SLC35F3: variants seen among roughly 807,000 people sequenced by gnomAD.
SLC35F3 encodes the protein solute carrier family 35 member F3.
A neutral mutation model predicts 49.9 loss-of-function variants in SLC35F3; 25 were observed. The ratio of observed to expected loss-of-function variants is 0.50; its 90% confidence interval spans 0.37 to 0.70. The LOEUF (loss-of-function observed/expected upper bound fraction) is 0.70. Ranked by LOEUF, SLC35F3 falls within the 30% of genes least tolerant of loss-of-function variation. The probability of loss-of-function intolerance (pLI) is 0.00; values close to 1 mark genes in which losing one functional copy is unlikely to be tolerated. For missense variants in SLC35F3, 525 were observed against 639.8 expected (o/e 0.82, Z 1.94); for synonymous variants, 275 against 265.4 (o/e 1.04, Z -0.35).
At chr1:233,918,351 TG>T (rs1662004305) in intron 2 of SLC35F3, among the ~76,000 whole-genome samples, 1 of 152,220 alleles carries the variant, frequency 6.6e-6, no homozygotes, top group Non-Finnish European at 1.5e-5. Flanking sequence ...TATCTTATGG[TG>T]GCTTGGCTCT....
intron 2 of SLC35F3, among the ~76,000 whole-genome samples, chr1:234,219,074 A>AAT (rs1277969606): frequency 6.6e-6 from 1 of 151,216 alleles, no homozygotes; most frequent in African/African-American, 2.4e-5. Flanking sequence ...AAAAAAAAAA[A>AAT]AAGCTCCCAC....
intron 2 of SLC35F3, among the ~76,000 whole-genome samples, chr1:234,083,946 T>C (rs192228022): frequency 6.6e-6 from 1 of 151,816 alleles, no homozygotes; most frequent in East Asian, 1.9e-4. Context: ...CAAGCGATTC[T>C]CCTGCCTCAG....
rs1667091784 is a variant in SLC35F3 at position 234,214,541 on chromosome 1, A to C, written c.284-16876A>C. 6.4e-7 allele frequency: 1 copy of C among 1,560,428 alleles called. No homozygotes were observed. Among genetic ancestry groups the C allele is most frequent in the Non-Finnish European group, 8.7e-7 (1 of 1,155,734 alleles). On this transcript the variant is annotated intron_variant, in intron 2 of 7. Transcript: ENST00000366618. This position sits in a 1 kb window ranked among gnomAD's most constrained non-coding sequence, Gnocchi z 8.0. ...CCGGGTGGCCCCGCTCAGCGCCTGC[A>C]ACAGTCCGGTCCTGACCCTTACCAA... is the stretch of plus-strand genomic sequence containing the variant.
intron 2 of SLC35F3, among the ~76,000 whole-genome samples, chr1:233,919,276 TGTC>T (rs1409478038): frequency 6.6e-6 from 1 of 152,166 alleles, no homozygotes; most frequent in Non-Finnish European, 1.5e-5. Flanking sequence ...GGGCAGCACT[TGTC>T]GTTGCTGGCT....
At chr1:234,071,587 C>G (rs954300771) in intron 2 of SLC35F3, among the ~76,000 whole-genome samples, 3 of 152,110 alleles carry the variant, frequency 2.0e-5, no homozygotes, top group Non-Finnish European at 2.9e-5. Context: ...TTAGTAGGCT[C>G]TCACCATGAA....
At chr1:233,952,818 A>G (rs991855748) in intron 2 of SLC35F3, among the ~76,000 whole-genome samples, 19 of 152,008 alleles carry the variant, frequency 1.2e-4, no homozygotes, top group African/African-American at 4.1e-4. Context: ...CTTTCCACTC[A>G]TTTTGGGAGT....
chr1:234,302,746 T>C (rs1240913848), intron 3 of SLC35F3, among the ~76,000 whole-genome samples: 5 of 152,174 alleles, frequency 3.3e-5, no homozygotes, highest in African/African-American at 1.2e-4. Flanking sequence ...CATCCTTCAC[T>C]GTTAATTGCA....
At chr1:234,304,026 CTTCCTTCCTTCCTTCCTTCTTTCT>C (rs1369170580) in intron 3 of SLC35F3, among the ~76,000 whole-genome samples, 3 of 101,078 alleles carry the variant, frequency 3.0e-5, no homozygotes, top group Admixed American at 1.0e-4. Flanking sequence ...TCCTTCCTTC[CTTCCTTCCTTCCTTCCTTCTTTCT>C]TTCCTTCCTT....
At chr1:234,149,931 G>A (rs575311683) in intron 2 of SLC35F3, among the ~76,000 whole-genome samples, 38 of 152,270 alleles carry the variant, frequency 2.5e-4, no homozygotes, top group Admixed American at 1.5e-3. Context: ...CTTCCAGCAG[G>A]GCTGGTGATT....
At chr1:234,070,442 G>A (rs760062364) in intron 2 of SLC35F3, among the ~76,000 whole-genome samples, 15 of 152,264 alleles carry the variant, frequency 9.9e-5, no homozygotes, top group African/African-American at 1.4e-4. Flanking sequence ...TTATTTATGC[G>A]TATACCAACC....
intron 2 of SLC35F3, among the ~76,000 whole-genome samples, chr1:234,202,749 A>G (rs1217000543): frequency 6.6e-6 from 1 of 152,254 alleles, no homozygotes; most frequent in Admixed American, 6.5e-5. Flanking sequence ...TAAGACAGAT[A>G]ACAATACAAT....
intron 2 of SLC35F3, among the ~76,000 whole-genome samples, chr1:234,025,997 C>T (rs56163810): frequency 0.33 from 49,651 of 152,062 alleles, 9,577 homozygotes; most frequent in Non-Finnish European, 0.45. Flanking sequence ...AGGTAGTGGT[C>T]CACTTTCATT....
intron 3 of SLC35F3, among the ~76,000 whole-genome samples, chr1:234,242,673 G>A (rs1572111253): frequency 6.6e-6 from 1 of 152,166 alleles, no homozygotes; most frequent in Admixed American, 6.5e-5. Context: ...TCTTTGTTGA[G>A]CAGAGAGAAA....
intron 2 of SLC35F3, among the ~76,000 whole-genome samples, chr1:234,097,980 A>G (rs1226752990): frequency 6.6e-6 from 1 of 150,376 alleles, no homozygotes; most frequent in Non-Finnish European, 1.5e-5. Flanking sequence ...GTGGCAGTTC[A>G]GATGGTGGTG....
intron 3 of SLC35F3, among the ~76,000 whole-genome samples, chr1:234,235,453 G>T (rs1667450085): frequency 6.6e-6 from 1 of 152,214 alleles, no homozygotes; most frequent in Non-Finnish European, 1.5e-5. Flanking sequence ...GTCTGTGTTT[G>T]GGAGAGACTG....
chr1:234,163,219 C>T (rs1247030065), intron 2 of SLC35F3, among the ~76,000 whole-genome samples: 1 of 152,214 alleles, frequency 6.6e-6, no homozygotes, highest in African/African-American at 2.4e-5. Flanking sequence ...GGTATTTCCG[C>T]AAGGTACATC....
intron 3 of SLC35F3, among the ~76,000 whole-genome samples, chr1:234,299,245 G>A (rs1373502475): frequency 6.6e-6 from 1 of 152,156 alleles, no homozygotes; most frequent in Non-Finnish European, 1.5e-5. Context: ...GTCCACCAAG[G>A]CAAAGACTTT....
chr1:234,309,857 G>A (rs574080821), intron 4 of SLC35F3, among the ~76,000 whole-genome samples: 2 of 152,378 alleles, frequency 1.3e-5, no homozygotes, highest in African/African-American at 4.8e-5. Flanking sequence ...AGTCCCAACT[G>A]TGAAGGGCCA....
At chr1:234,127,986 C>T (rs541059980) in intron 2 of SLC35F3, among the ~76,000 whole-genome samples, 71 of 152,282 alleles carry the variant, frequency 4.7e-4, no homozygotes, top group African/African-American at 1.6e-3. Context: ...CAAGGACACA[C>T]GCTGAGGACC....
Sources: allele counts gnomAD v4.1 joint callset (sites outside exome capture counted in the v4.1 genomes callset), GRCh38; gene constraint gnomAD v4.1.1; non-coding constraint Gnocchi (gnomAD v3.1); transcripts MANE v1.5; gene names NCBI Gene and HGNC (gene_info 2026-07-23, HGNC 2026-07-21).